SEMA6A: variants seen among roughly 807,000 people sequenced by gnomAD.
SEMA6A encodes the protein semaphorin-6A.
In SEMA6A, 25 loss-of-function variants were observed where a neutral mutation model predicts 96.8. That is an observed-to-expected ratio of 0.26 (90% CI 0.19 to 0.36). The LOEUF (loss-of-function observed/expected upper bound fraction) is 0.36. Ranked by LOEUF, SEMA6A falls within the 10% of genes least tolerant of loss-of-function variation. SEMA6A has a pLI of 1.00. For synonymous variants in SEMA6A, 612 were observed against 518.0 expected (o/e 1.18, Z -2.46); for missense variants, 1,363 against 1,323.1 (o/e 1.03, Z -0.47).
At chr5:116,467,440 G>T in intron 18 of SEMA6A, 143 bp downstream of exon 18, 2 of 732,162 alleles carry the variant, frequency 2.7e-6, no homozygotes, top group Non-Finnish European at 2.1e-6. Flanking sequence ...GGATGGGGTT[G>T]CAGTCTTTTT....
chr5:116,551,333 C>CACACACACACACAT (rs1427215585), intron 1 of SEMA6A, among the ~76,000 whole-genome samples: 4 of 151,748 alleles, frequency 2.6e-5, no homozygotes, highest in Non-Finnish European at 5.9e-5. Flanking sequence ...CACACACACA[C>CACACACACACACAT]ACACACACAC....
chr5:116,550,880 C>G (rs1222210000), intron 1 of SEMA6A, among the ~76,000 whole-genome samples: 1 of 152,114 alleles, frequency 6.6e-6, no homozygotes, highest in Admixed American at 6.5e-5. Flanking sequence ...ATACTTCAGC[C>G]CTGGAGATCA....
At chr5:116,492,569 A>T (rs1757379774) in intron 6 of SEMA6A, 1 of 152,236 alleles carries the variant, frequency 6.6e-6, no homozygotes, top group Non-Finnish European at 1.5e-5. Flanking sequence ...GGTTTAGAGA[A>T]TAGGAGGAAA....
chr5:116,557,981 C>G (rs975045885), intron 1 of SEMA6A, among the ~76,000 whole-genome samples: 1 of 152,196 alleles, frequency 6.6e-6, no homozygotes, highest in African/African-American at 2.4e-5. Flanking sequence ...ATGATACCAA[C>G]TCAAATATGG....
chr5:116,446,728 T>C lies in SEMA6A; in HGVS notation c.2978A>G (p.Asn993Ser), dbSNP rs1395442878. ...CTTCAGCCCCGACCTTGTCAGTGAG[T>C]TGTAGGCGTTGAGGCTGGGCTGCCT... ...VSRQPSLNAYNSLTRSGLKRT... is the reference protein window; with the variant it reads ...VSRQPSLNAYSSLTRSGLKRT... Residue 993 changes from asparagine (N) to serine (S), a missense_variant, in exon 19 of 19, where the codon AAC becomes AGC. Asn to Ser is a conservative substitution (Grantham distance 46). Transcript: ENST00000343348. 4 of 1,601,762 alleles carry C rather than the reference T, an allele frequency of 2.5e-6. No individual in the cohort carries two copies. Among genetic ancestry groups the C allele is most frequent in the Non-Finnish European group, 3.4e-6 (4 of 1,173,736 alleles).
At chr5:116,547,541 A>C (rs778871690) in intron 1 of SEMA6A, among the ~76,000 whole-genome samples, 1 of 151,376 alleles carries the variant, frequency 6.6e-6, no homozygotes, top group Non-Finnish European at 1.5e-5. Context: ...TTTTTTAACT[A>C]TTTCATTAAT....
chr5:116,467,678 C>A lies in SEMA6A; in HGVS notation c.1799G>T (p.Arg600Met), dbSNP rs761557203. The change falls in exon 18 of 19, where the codon AGG (arginine) becomes ATG (methionine). Residue 600 changes from arginine (R) to methionine (M), a missense_variant. By Grantham distance (91) the Arg-to-Met change is moderately conservative. Transcript: ENST00000343348. ...DSTAQEGYESRGGMLDWKHLL... is the reference protein window; with the variant it reads ...DSTAQEGYESMGGMLDWKHLL... ...ATGCTTCCAGTCCAGCATTCCTCCCCTAGACTCATACCCCTCTTGAGCCGT... is the reference window on the plus strand; with the variant it reads ...ATGCTTCCAGTCCAGCATTCCTCCCATAGACTCATACCCCTCTTGAGCCGT... The A allele has an allele frequency of 2.5e-6, 4 of 1,613,818 alleles. No homozygotes were observed. The highest frequency in any genetic ancestry group is 3.4e-6 in the Non-Finnish European group (4 of 1,179,844).
intron 18 of SEMA6A, among the ~76,000 whole-genome samples, chr5:116,466,248 G>A (rs1277629058): frequency 1.3e-5 from 2 of 151,464 alleles, no homozygotes; most frequent in East Asian, 1.9e-4. Context: ...CATGGTGGCG[G>A]GCACCTATAA....
chr5:116,447,139 T>G lies in SEMA6A; in HGVS notation c.2567A>C (p.Lys856Thr). 1 of 1,614,018 alleles carries G rather than the reference T, an allele frequency of 6.2e-7. No individual in the cohort carries two copies. The highest frequency in any genetic ancestry group is 8.5e-7 in the Non-Finnish European group (1 of 1,179,900). The change falls in exon 19 of 19, where the codon AAG becomes ACG. Residue 856 changes from lysine to threonine, a missense_variant. Transcript: ENST00000343348. The part of the protein sequence containing the change: ...QAATLEYKTI[K>T]EHLSSKSPNH... ...GGGACTCTTGCTGCTGAGATGTTCCTTGATGGTCTTATACTCCAGTGTGGC... is the reference window on the plus strand; with the variant it reads ...GGGACTCTTGCTGCTGAGATGTTCCGTGATGGTCTTATACTCCAGTGTGGC...
chr5:116,474,657 A>G (rs985347157), intron 16 of SEMA6A, among the ~76,000 whole-genome samples: 10 of 152,236 alleles, frequency 6.6e-5, no homozygotes, highest in Non-Finnish European at 1.2e-4. Context: ...TTCAGTACTT[A>G]TGACTGAAAG....
chr5:116,533,394 G>A (rs1759572240), intron 1 of SEMA6A, among the ~76,000 whole-genome samples: 1 of 151,858 alleles, frequency 6.6e-6, no homozygotes, highest in Admixed American at 6.6e-5. Context: ...CTACTTAGCT[G>A]CCTTTTGCAT....
chr5:116,450,516 G>A (rs561761207), intron 18 of SEMA6A, among the ~76,000 whole-genome samples: 42 of 152,250 alleles, frequency 2.8e-4, no homozygotes, highest in African/African-American at 1.0e-3. Flanking sequence ...CTTACTTTTA[G>A]CTCCCAAATA....
intron 1 of SEMA6A, among the ~76,000 whole-genome samples, chr5:116,514,015 ATC>A (rs1453400359): frequency 6.6e-6 from 1 of 151,974 alleles, no homozygotes; most frequent in East Asian, 1.9e-4. Context: ...CACTTTCTTT[ATC>A]TAGTCTATCA....
intron 1 of SEMA6A, among the ~76,000 whole-genome samples, chr5:116,560,372 C>A (rs1047377883): frequency 1.3e-5 from 2 of 152,074 alleles, no homozygotes; most frequent in Admixed American, 6.5e-5. Flanking sequence ...TGAACTAGTT[C>A]ATCGCTGCAT....
chr5:116,491,940 T>A, intron 6 of SEMA6A, 110 bp from the exon 7 acceptor site: 1 of 836,288 alleles, frequency 1.2e-6, no homozygotes, highest in Non-Finnish European at 2.0e-6. Flanking sequence ...GTAATCACTT[T>A]GAGATGGACC....
Position 116,558,899 on chromosome 5 carries a change from G to C in SEMA6A, c.-39+15286C>G, listed in dbSNP as rs147896492. On this transcript the variant is annotated intron_variant, in intron 1 of 18. Transcript: ENST00000343348. ...ATATAAATATGCCCAACATTGAGCCGGGGGGAGAGGGAGAACACATGTATA... is the reference window on the plus strand; with the variant it reads ...ATATAAATATGCCCAACATTGAGCCCGGGGGAGAGGGAGAACACATGTATA... 4.1e-3 allele frequency among the ~76,000 whole-genome samples: 617 copies of C among 152,234 alleles called. 9 individuals are homozygous for C. The highest frequency in any genetic ancestry group is 0.012 in the African/African-American group (509 of 41,528).
At chr5:116,558,424 G>C (rs1441337078) in intron 1 of SEMA6A, among the ~76,000 whole-genome samples, 2 of 151,404 alleles carry the variant, frequency 1.3e-5, no homozygotes. Flanking sequence ...GCATGCTTTA[G>C]AGAATACCCA....
In SEMA6A at chr5:116,445,115, G is replaced by T. The variant is rs79945450; in HGVS notation, c.*1498C>A. 1,374 of 152,804 alleles carry T rather than the reference G, an allele frequency of 9.0e-3. 13 individuals are homozygous for T. Among genetic ancestry groups the T allele is most frequent in the Middle Eastern group, 0.027 (8 of 296 alleles). 9.5% of individuals were successfully genotyped at this position (152,804 alleles called of 1,614,324 possible). ...GAATTGGAGGGTGTGGTGCTGCCCAGCGTTCTCAGGCTGTCGCATGACAAC... is the reference window on the plus strand; with the variant it reads ...GAATTGGAGGGTGTGGTGCTGCCCATCGTTCTCAGGCTGTCGCATGACAAC... On this transcript the variant is annotated 3_prime_UTR_variant, in exon 19 of 19. Transcript: ENST00000343348.
At chr5:116,531,672 A>T (rs1201009704) in intron 1 of SEMA6A, among the ~76,000 whole-genome samples, 2 of 152,122 alleles carry the variant, frequency 1.3e-5, no homozygotes, top group Non-Finnish European at 2.9e-5. Flanking sequence ...TCCATTTTAA[A>T]GTTTAACGTC....
Sources: gnomAD v4.1 joint callset for allele counts (sites outside exome capture counted in the v4.1 genomes callset) on GRCh38, gnomAD v4.1.1 for gene constraint, MANE v1.5 for transcripts, NCBI Gene and HGNC (gene_info 2026-07-23, HGNC 2026-07-21) for gene names.